The following ADGRV1 variants were observed in gnomAD, a reference collection of about 807,000 sequenced individuals.
ADGRV1 encodes G-protein coupled receptor 98.
In ADGRV1, 359 loss-of-function variants were observed where a neutral mutation model predicts 596.2. That is an observed-to-expected ratio of 0.60 (90% CI 0.55 to 0.66). The LOEUF (loss-of-function observed/expected upper bound fraction) is 0.66, where lower values mean the gene tolerates loss of function less well. ADGRV1 is among the 30% of genes least tolerant of loss of function. The pLI, the probability that ADGRV1 is intolerant of heterozygous loss-of-function variation, is 0.00. For synonymous variants in ADGRV1, 2,681 were observed against 2,679.2 expected (o/e 1.00, Z -0.02); for missense variants, 7,274 against 7,575.6 (o/e 0.96, Z 1.48).
Position 90,829,103 on chromosome 5 carries a change from C to G in ADGRV1, c.16528C>G (p.His5510Asp), listed in dbSNP as rs1248135423. The change falls in exon 77 of 90, where the codon CAC becomes GAC. Residue 5510 changes from histidine to aspartate, a missense_variant. This residue lies in a region of ADGRV1 where 1,874 missense variants were observed against 1,970.2 expected (regional missense o/e 0.95). Coordinates refer to ENST00000405460, the MANE Select transcript of ADGRV1 (RefSeq NM_032119.4). The part of the protein sequence containing the change: ...FSVGSRLAVA[H>D]KKATLISLQV... ...TGTGGGTTCTCGGCTGGCAGTGGCT[C>G]ACAAGAAGGCCACTTTAATCAGTCT... 6.2e-7 allele frequency: 1 copy of G among 1,612,004 alleles called. No individual in the cohort carries two copies. Among genetic ancestry groups the G allele is most frequent in the South Asian group, 1.1e-5 (1 of 90,798 alleles).
chr5:90,565,830 C>T (rs1755565823), intron 1 of ADGRV1, among the ~76,000 whole-genome samples: 1 of 152,036 alleles, frequency 6.6e-6, no homozygotes, highest in South Asian at 2.1e-4. Context: ...TTTGATTTCT[C>T]TCTGTCTTTT....
chr5:90,671,880 T>G (rs1435652528), intron 21 of ADGRV1, among the ~76,000 whole-genome samples: 1 of 152,130 alleles, frequency 6.6e-6, no homozygotes, highest in Non-Finnish European at 1.5e-5. Context: ...AGATAAAAAA[T>G]TTTCCACTTG....
chr5:90,617,493 A>C (rs1763516816), intron 2 of ADGRV1: 1 of 181,814 alleles, frequency 5.5e-6, no homozygotes, highest in South Asian at 1.2e-4. Context: ...TATTTTTATT[A>C]GAGATGAGGT....
At chr5:90,931,416 A>G (rs1463310885) in intron 83 of ADGRV1, among the ~76,000 whole-genome samples, 1 of 152,218 alleles carries the variant, frequency 6.6e-6, no homozygotes, top group Non-Finnish European at 1.5e-5. Context: ...AAGCTAGCTC[A>G]CTTATGGAGC....
chr5:90,883,666 C>G (rs1561892888), intron 83 of ADGRV1, among the ~76,000 whole-genome samples: 1 of 152,134 alleles, frequency 6.6e-6, no homozygotes. Context: ...GCTTCTTCGG[C>G]CTTTCACCTT....
chr5:90,666,447 T>C (rs1771403238), intron 21 of ADGRV1, among the ~76,000 whole-genome samples: 1 of 152,030 alleles, frequency 6.6e-6, no homozygotes, highest in Non-Finnish European at 1.5e-5. Flanking sequence ...ACCTGCCTTT[T>C]TTTGTTTTCC....
In ADGRV1 at chr5:90,706,403, C is replaced by CTCT; in HGVS notation, c.8730+10_8730+11insCTT. 7.3e-7 allele frequency: 1 copy of CTCT among 1,374,670 alleles called. No individual in the cohort carries two copies. Among genetic ancestry groups the CTCT allele is most frequent in the Admixed American group, 2.6e-5 (1 of 38,342 alleles). 85.2% of individuals were successfully genotyped at this position (1,374,670 alleles called of 1,614,324 possible). A position where few individuals can be genotyped will look rare whatever the true frequency, so the allele number is the denominator to read the frequency against. ...ACATTACCATTCTTGAGGTAAAACT[C>CTCT]TTTTTTTTTTTTAATCTTAGGGGGA... is the stretch of plus-strand genomic sequence containing the variant. On this transcript the variant is annotated intron_variant, in intron 38 of 89. Coordinates refer to ENST00000405460, the MANE Select transcript of ADGRV1 (RefSeq NM_032119.4).
At position 90,720,981 on chromosome 5, in the gene ADGRV1, A is replaced by C. The variant is rs1359636251; in HGVS notation, c.9670A>C (p.Asn3224His). ...IEEANRTVYL[N>H]VSRTNGIDLA... The stretch of plus-strand genomic sequence containing the variant: ...AGAAGCCAATAGGACCGTGTATTTA[A>C]ATGTATCTCGAACTAATGGCATTGA... Residue 3224 changes from asparagine (N) to histidine (H), a missense_variant, in exon 45 of 90, where the codon AAT becomes CAT. By Grantham distance (68) the Asn-to-His change is moderately conservative. Coordinates refer to ENST00000405460, the MANE Select transcript of ADGRV1 (RefSeq NM_032119.4). 6.2e-7 allele frequency: 1 copy of C among 1,612,618 alleles called. No individual in the cohort carries two copies. Among genetic ancestry groups the C allele is most frequent in the Non-Finnish European group, 8.5e-7 (1 of 1,178,944 alleles).
chr5:91,078,218 T>A (rs1789023136), intron 86 of ADGRV1, among the ~76,000 whole-genome samples: 1 of 152,004 alleles, frequency 6.6e-6, no homozygotes. Flanking sequence ...TTATAAAAAT[T>A]ATTGAAAACT....
At chr5:91,050,088 T>C (rs1000187970) in intron 85 of ADGRV1, among the ~76,000 whole-genome samples, 1 of 152,216 alleles carries the variant, frequency 6.6e-6, no homozygotes, top group Non-Finnish European at 1.5e-5. Context: ...CCAATCTGGG[T>C]ACTTGTGCTG....
At chr5:90,737,681 G>C (rs924560859) in intron 50 of ADGRV1, among the ~76,000 whole-genome samples, 1 of 151,750 alleles carries the variant, frequency 6.6e-6, no homozygotes, top group Non-Finnish European at 1.5e-5. Context: ...GTTATAGAAT[G>C]GTCTTCTTTG....
At chr5:90,844,847 C>T (rs187071372) in intron 78 of ADGRV1, among the ~76,000 whole-genome samples, 29 of 152,242 alleles carry the variant, frequency 1.9e-4, no homozygotes, top group Middle Eastern at 3.4e-3. Flanking sequence ...TCTACTTGTT[C>T]GTAAGGCAAT....
intron 74 of ADGRV1, among the ~76,000 whole-genome samples, chr5:90,813,111 C>T (rs1426262202): frequency 2.7e-4 from 22 of 81,840 alleles, no homozygotes; most frequent in Admixed American, 4.4e-4. Flanking sequence ...CCAGCCTGGG[C>T]GACAGAGTAA....
At chr5:90,928,711 C>A (rs545013172) in intron 83 of ADGRV1, among the ~76,000 whole-genome samples, 1,836 of 150,726 alleles carry the variant, frequency 0.012, 22 homozygotes, top group Non-Finnish European at 0.018. Context: ...AGGCGCTCTG[C>A]TTTTTAGAGT....
chr5:91,031,351 T>C, intron 85 of ADGRV1: 1 of 1,251,346 alleles, frequency 8.0e-7, no homozygotes, highest in South Asian at 1.2e-5. Flanking sequence ...CTCCAATCTA[T>C]CTCATCCGCT....
intron 42 of ADGRV1, among the ~76,000 whole-genome samples, chr5:90,714,306 C>T (rs1749793101): frequency 1.3e-5 from 2 of 150,062 alleles, no homozygotes; most frequent in Non-Finnish European, 3.0e-5. Flanking sequence ...TCCTGTTTTT[C>T]GTATCCCTTA....
In ADGRV1 at chr5:90,750,595, A is replaced by G. The variant is rs1412761207; in HGVS notation, c.11019A>G (p.Leu3673=). 6 of 1,612,554 alleles carry G rather than the reference A, an allele frequency of 3.7e-6. No individual in the cohort carries two copies. Among genetic ancestry groups the G allele is most frequent in the Middle Eastern group, 1.7e-4 (1 of 6,054 alleles). The part of the protein sequence containing the change: ...KQVEEMEQDS[L]VTLNVERLKG... ...TGGAAGAAATGGAGCAAGATAGCCTAGTAACCTTGAACGTTGAACGCTTAA... is the reference window on the plus strand; with the variant it reads ...TGGAAGAAATGGAGCAAGATAGCCTGGTAACCTTGAACGTTGAACGCTTAA... Residue 3673 remains leucine, a synonymous_variant, in exon 53 of 90, where the codon CTA becomes CTG. Coordinates refer to ENST00000405460, the MANE Select transcript of ADGRV1 (RefSeq NM_032119.4).
chr5:90,560,544 T>A (rs561361735), intron 1 of ADGRV1, among the ~76,000 whole-genome samples: 3 of 152,200 alleles, frequency 2.0e-5, no homozygotes, highest in South Asian at 2.1e-4. Context: ...TCAAATATTT[T>A]TTCCAAATGC....
chr5:91,125,411 G>C (rs1231939323), intron 87 of ADGRV1, among the ~76,000 whole-genome samples: 2 of 152,154 alleles, frequency 1.3e-5, no homozygotes, highest in African/African-American at 4.8e-5. Flanking sequence ...AAGATACAGT[G>C]AGAGCTACAG....
Sources: allele counts gnomAD v4.1 joint callset (sites outside exome capture counted in the v4.1 genomes callset), GRCh38; gene constraint gnomAD v4.1.1; regional missense constraint gnomAD v4.1.1; transcripts MANE v1.5; gene names NCBI Gene and HGNC (gene_info 2026-07-23, HGNC 2026-07-21).